SRSF11: variants seen among roughly 807,000 people sequenced by gnomAD.
The protein encoded by SRSF11 is serine/arginine-rich splicing factor 11.
In SRSF11, 9 loss-of-function variants were observed where a neutral mutation model predicts 56.0. The observed-to-expected ratio is 0.16, with a 90% CI of 0.10 to 0.28. The LOEUF (loss-of-function observed/expected upper bound fraction) is 0.28. Ranked by LOEUF, SRSF11 falls within the 10% of genes least tolerant of loss-of-function variation. The probability of loss-of-function intolerance (pLI) is 1.00; values close to 1 mark genes in which losing one functional copy is unlikely to be tolerated. For synonymous variants in SRSF11, 222 were observed against 215.3 expected (o/e 1.03, Z -0.27); for missense variants, 421 against 600.7 (o/e 0.70, Z 3.13).
chr1:70,231,793 T>G, intron 2 of SRSF11: 1 of 1,346,922 alleles, frequency 7.4e-7, no homozygotes, highest in South Asian at 1.2e-5. Flanking sequence ...AACTGTACCA[T>G]ATTATTAACC....
intron 1 of SRSF11, among the ~76,000 whole-genome samples, chr1:70,213,006 T>C (rs1272337373): frequency 8.6e-5 from 13 of 152,042 alleles, no homozygotes; most frequent in Admixed American, 8.5e-4. Flanking sequence ...TTGAGGTTGC[T>C]GTGAACTCTG....
chr1:70,220,984 A>G (rs1049578822), upstream of SRSF11: 3 of 152,248 alleles, frequency 2.0e-5, no homozygotes, highest in African/African-American at 4.8e-5. Context: ...ATTCATGTAC[A>G]TTGAAAATTT....
At chr1:70,219,714 G>T (rs141755365), upstream of SRSF11, among the ~76,000 whole-genome samples, 1,088 of 152,314 alleles carry the variant, frequency 7.1e-3, 8 homozygotes, top group South Asian at 0.03. Flanking sequence ...CTTGGCTCTA[G>T]CTAATGTTAG....
intron 2 of SRSF11, chr1:70,230,416 A>G: frequency 8.6e-7 from 1 of 1,158,554 alleles, no homozygotes; most frequent in South Asian, 1.8e-5. Flanking sequence ...GGTAAGGAAT[A>G]GTCTTAATTG....
At chr1:70,206,536 A>G (rs1305750518) in intron 1 of SRSF11, among the ~76,000 whole-genome samples, 2 of 152,164 alleles carry the variant, frequency 1.3e-5, no homozygotes, top group African/African-American at 2.4e-5. Context: ...TTCTTGATTC[A>G]ACAAGTAATT....
At chr1:70,222,527 CTTTTA>C (rs1558157613) in intron 1 of SRSF11, among the ~76,000 whole-genome samples, 1 of 152,022 alleles carries the variant, frequency 6.6e-6, no homozygotes, top group African/African-American at 2.4e-5. Flanking sequence ...TTTTGTCTCA[CTTTTA>C]TTTTGAAAAT....
In SRSF11 at chr1:70,250,346, C is replaced by CATTT; in HGVS notation, c.1119-18_1119-15dup. ...TAAACAAGTTAAACCTGTTGCTGTA[C>CATTT]ATTTTACTGTCATTCTAGACATAAA... On this transcript the variant is annotated intron_variant, in intron 10 of 11. Transcript: ENST00000370949. 1 of 1,609,026 alleles carries CATTT rather than the reference C, an allele frequency of 6.2e-7. No individual in the cohort carries two copies. The highest frequency in any genetic ancestry group is 8.5e-7 in the Non-Finnish European group (1 of 1,178,446).
At chr1:70,233,022 C>A (rs1425430108) in intron 3 of SRSF11, among the ~76,000 whole-genome samples, 4 of 152,184 alleles carry the variant, frequency 2.6e-5, no homozygotes, top group Admixed American at 2.6e-4. Flanking sequence ...AGCATTCTTT[C>A]TAGTGTATCA....
chr1:70,221,181 G>A (rs909804866), upstream of SRSF11, among the ~76,000 whole-genome samples: 3 of 151,888 alleles, frequency 2.0e-5, no homozygotes, highest in Non-Finnish European at 4.4e-5. Flanking sequence ...AAGTTTATAC[G>A]TGCCTCTTCG....
At chr1:70,219,677 A>G (rs1462566127), upstream of SRSF11, among the ~76,000 whole-genome samples, 4 of 152,202 alleles carry the variant, frequency 2.6e-5, no homozygotes, top group Non-Finnish European at 5.9e-5. Context: ...GGACAGCTAT[A>G]TGCTTTTCTT....
upstream of SRSF11, chr1:70,218,764 C>T (rs1670246173): frequency 6.6e-6 from 1 of 152,110 alleles, no homozygotes; most frequent in Non-Finnish European, 1.5e-5. Context: ...ATGTCTGATT[C>T]AAAATGAGAA....
rs1169655598 is a variant in SRSF11, at chr1:70,252,526, T to C, written c.*1721T>C. 1 of 152,158 alleles carries C rather than the reference T, an allele frequency of 6.6e-6. No homozygotes were observed. Among genetic ancestry groups the C allele is most frequent in the Non-Finnish European group, 1.5e-5 (1 of 68,006 alleles). The allele number at this position is 152,158 out of a possible 1,614,324, so 9.4% of individuals were successfully genotyped here. A position where few individuals can be genotyped will look rare whatever the true frequency, so the allele number is the denominator to read the frequency against. Reference sequence around the variant, plus strand: ...TTAACCTAAAAACTGAAATGCCATATAGAAAAACAGCATTGTTTTTACAGT... The same window carrying C: ...TTAACCTAAAAACTGAAATGCCATACAGAAAAACAGCATTGTTTTTACAGT... On this transcript the variant is annotated 3_prime_UTR_variant, in exon 12 of 12. Coordinates refer to ENST00000370949, the MANE Select transcript of SRSF11 (RefSeq NM_001350605.2).
intron 2 of SRSF11, chr1:70,228,770 T>C: frequency 8.3e-7 from 1 of 1,205,236 alleles, no homozygotes. Flanking sequence ...TTTTGTTTTC[T>C]TTTAAAACAT....
rs1006015089 is a variant in SRSF11, at chr1:70,250,190, A to T, written c.1118+143A>T. The T allele has an allele frequency of 4.8e-6, 6 of 1,250,940 alleles. No homozygotes were observed. In the African/African-American group the frequency reaches 9.1e-5, roughly 19 times the overall value. 77.5% of individuals were successfully genotyped at this position (1,250,940 alleles called of 1,614,324 possible). ...TCTCCTTCTGACTTGTGACTTAAAC[A>T]CCATTAAGGACTGAACATTTTAGTC... On this transcript the variant is annotated intron_variant, in intron 10 of 11. Transcript: ENST00000370949.
chr1:70,240,135 TA>T (rs1247048868), intron 7 of SRSF11, among the ~76,000 whole-genome samples: 1 of 152,200 alleles, frequency 6.6e-6, no homozygotes, highest in Non-Finnish European at 1.5e-5. Flanking sequence ...ATACAGCCAT[TA>T]TACTTCATAA....
At chr1:70,248,455 G>C (rs1454013502) in intron 9 of SRSF11, 7 of 152,034 alleles carry the variant, frequency 4.6e-5, no homozygotes, top group African/African-American at 1.7e-4. Flanking sequence ...CTGATTGCTG[G>C]GGAGATAGGG....
intron 9 of SRSF11, chr1:70,249,103 A>T (rs907115861): frequency 6.6e-6 from 1 of 152,100 alleles, no homozygotes; most frequent in Non-Finnish European, 1.5e-5. Context: ...AAGGCTGTAT[A>T]TCAGCTGTAT....
At chr1:70,208,408 C>T (rs1256714384) in intron 1 of SRSF11, among the ~76,000 whole-genome samples, 2 of 152,140 alleles carry the variant, frequency 1.3e-5, no homozygotes, top group Admixed American at 6.5e-5. Context: ...ACCTTGGTCA[C>T]TGCAACCTCC....
chr1:70,229,613 A>T lies in SRSF11; in HGVS notation c.337+1058A>T, dbSNP rs538440825. On this transcript the variant is annotated intron_variant, in intron 2 of 11. Coordinates refer to ENST00000370949, the MANE Select transcript of SRSF11 (RefSeq NM_001350605.2). Reference sequence around the variant, plus strand: ...TTAATAATTTAATATGCTGACCAGGATTTAAATGCTTTCCCCTTTCCTTAA... The same window carrying T: ...TTAATAATTTAATATGCTGACCAGGTTTTAAATGCTTTCCCCTTTCCTTAA... The T allele has an allele frequency of 1.5e-4, 151 of 983,478 alleles. No homozygotes were observed. The African/African-American group carries it at 2.5e-3, about 17-fold the overall frequency. The allele number at this position is 983,478 out of a possible 1,614,324, so 60.9% of individuals were successfully genotyped here. A position where few individuals can be genotyped will look rare whatever the true frequency, so the allele number is the denominator to read the frequency against.
Sources: allele counts gnomAD v4.1 joint callset (sites outside exome capture counted in the v4.1 genomes callset), GRCh38; gene constraint gnomAD v4.1.1; transcripts MANE v1.5; gene names NCBI Gene and HGNC (gene_info 2026-07-23, HGNC 2026-07-21).